Variants in TTI1 observed in about 807,000 individuals in gnomAD.
The protein encoded by TTI1 is TELO2-interacting protein 1 homolog.
In TTI1, 52 loss-of-function variants were observed where a neutral mutation model predicts 85.4. That is an observed-to-expected ratio of 0.61 (90% CI 0.49 to 0.77). TTI1 has a LOEUF of 0.77. Ranked by LOEUF, TTI1 falls within the 30% of genes least tolerant of loss-of-function variation. The probability of loss-of-function intolerance (pLI) is 0.00; values close to 1 mark genes in which losing one functional copy is unlikely to be tolerated. For synonymous variants in TTI1, 512 were observed against 503.9 expected (o/e 1.02, Z -0.22); for missense variants, 1,173 against 1,296.0 (o/e 0.91, Z 1.46).
At chr20:37,992,693 A>G (rs976921359) in intron 7 of TTI1, among the ~76,000 whole-genome samples, 1 of 152,218 alleles carries the variant, frequency 6.6e-6, no homozygotes, top group Non-Finnish European at 1.5e-5. Context: ...GGAGTCTCAG[A>G]GTCTGCTAAG....
At chr20:37,994,934 G>A (rs185827918) in intron 7 of TTI1, among the ~76,000 whole-genome samples, 106 of 152,360 alleles carry the variant, frequency 7.0e-4, no homozygotes, top group African/African-American at 2.5e-3. Context: ...AAACTTGAAG[G>A]ATGGGATGGA....
At position 38,012,458 on chromosome 20, in the gene TTI1, A is replaced by G. The variant is rs747369232; in HGVS notation, c.1359T>C (p.Ser453=). The G allele has an allele frequency of 5.0e-6, 8 of 1,614,118 alleles. No homozygotes were observed. The highest frequency in any genetic ancestry group is 6.8e-6 in the Non-Finnish European group (8 of 1,180,056). Residue 453 remains serine (S), a synonymous_variant, in exon 2 of 8, where the codon TCT becomes TCC. Coordinates refer to ENST00000373447, the MANE Select transcript of TTI1 (RefSeq NM_001303457.2). ...TCTTTGGAGAAGCATTCAGATCATC[A>G]GAGTTCCAACGCCGTTCCTCAACAA... The part of the protein sequence containing the change: ...IKIVEERRWN[S]DDLNASPKTS...
intron 1 of TTI1, among the ~76,000 whole-genome samples, chr20:38,026,965 A>G (rs2073844113): frequency 6.6e-6 from 1 of 152,250 alleles, no homozygotes; most frequent in Non-Finnish European, 1.5e-5. Context: ...AGTTATGTAC[A>G]CACAATGTAA....
intron 2 of TTI1, among the ~76,000 whole-genome samples, chr20:38,008,235 T>C (rs955636228): frequency 7.9e-5 from 12 of 152,210 alleles, no homozygotes; most frequent in Non-Finnish European, 1.3e-4. Context: ...CTCTCAAAAA[T>C]TTAAACGTAA....
intron 5 of TTI1, 100 bp downstream of exon 5, chr20:37,999,088 T>C: frequency 8.1e-7 from 1 of 1,232,364 alleles, no homozygotes; most frequent in Non-Finnish European, 1.0e-6. Flanking sequence ...GTATGTGACA[T>C]TGCAATCGGG....
At chr20:38,003,167 T>C (rs1283209185) in intron 3 of TTI1, among the ~76,000 whole-genome samples, 1 of 152,198 alleles carries the variant, frequency 6.6e-6, no homozygotes, top group African/African-American at 2.4e-5. Context: ...CTCACTATGT[T>C]GCCCAGGCTG....
intron 1 of TTI1, among the ~76,000 whole-genome samples, chr20:38,033,009 T>C (rs143186958): frequency 6.6e-6 from 1 of 152,242 alleles, no homozygotes; most frequent in African/African-American, 2.4e-5. Flanking sequence ...GAGAACCCAC[T>C]TAAGAGCCGA....
chr20:38,002,076 G>A (rs2073433919), intron 4 of TTI1, among the ~76,000 whole-genome samples: 1 of 152,110 alleles, frequency 6.6e-6, no homozygotes. Context: ...CCCTTTGGGT[G>A]TAAGGTCTTC....
At position 37,996,484 on chromosome 20, in the gene TTI1, C is replaced by T. The variant is rs778954246; in HGVS notation, c.2999-22G>A. On this transcript the variant is annotated intron_variant, in intron 6 of 7. Coordinates refer to ENST00000373447, the MANE Select transcript of TTI1 (RefSeq NM_001303457.2). ...TCACCTGCAGAAAAGAAAAACAAAA[C>T]AAGCATCAGCCCTTACACTTCATTT... 2.5e-6 allele frequency: 4 copies of T among 1,611,418 alleles called. No homozygotes were observed. The South Asian group carries it at 3.3e-5, about 13-fold the overall frequency.
chr20:38,007,938 C>T (rs2073526052), intron 2 of TTI1, among the ~76,000 whole-genome samples: 1 of 152,224 alleles, frequency 6.6e-6, no homozygotes, highest in African/African-American at 2.4e-5. Context: ...AGCATTTACA[C>T]TGCTAAGACT....
chr20:38,006,079 C>T, intron 3 of TTI1, 118 bp downstream of exon 3: 2 of 1,136,704 alleles, frequency 1.8e-6, no homozygotes. Flanking sequence ...CTATGTTAGC[C>T]TGGTAAGGTT....
chr20:38,017,453 G>A (rs923024394), intron 1 of TTI1, among the ~76,000 whole-genome samples: 1 of 149,674 alleles, frequency 6.7e-6, no homozygotes, highest in East Asian at 2.0e-4. Flanking sequence ...CGCCTTTGGT[G>A]TGTGCGCACG....
intron 7 of TTI1, among the ~76,000 whole-genome samples, chr20:37,991,520 G>T (rs1265525563): frequency 1.3e-5 from 2 of 152,226 alleles, no homozygotes; most frequent in African/African-American, 4.8e-5. Flanking sequence ...GCTAGAAAGA[G>T]AGCAGGGAAG....
intron 7 of TTI1, among the ~76,000 whole-genome samples, chr20:37,991,259 G>C (rs1044046878): frequency 1.3e-5 from 2 of 152,216 alleles, no homozygotes; most frequent in African/African-American, 4.8e-5. Flanking sequence ...ATCCAAGGGG[G>C]AACAGCTTTG....
chr20:38,019,300 G>T (rs1274559676), intron 1 of TTI1, among the ~76,000 whole-genome samples: 1 of 152,068 alleles, frequency 6.6e-6, no homozygotes, highest in Non-Finnish European at 1.5e-5. Flanking sequence ...TGAAGAAAAT[G>T]AAATAGGTAA....
At chr20:38,009,455 T>C (rs547376235) in intron 2 of TTI1, among the ~76,000 whole-genome samples, 5 of 152,100 alleles carry the variant, frequency 3.3e-5, no homozygotes, top group Non-Finnish European at 7.4e-5. Context: ...TTTTCCATTC[T>C]CCAAAGACCC....
chr20:38,010,207 G>T (rs2073562449), intron 2 of TTI1, among the ~76,000 whole-genome samples: 1 of 152,180 alleles, frequency 6.6e-6, no homozygotes, highest in Non-Finnish European at 1.5e-5. Flanking sequence ...ATTAGCTACA[G>T]GGCAGTGCAC....
At chr20:37,991,238 T>G (rs1245512990) in intron 7 of TTI1, among the ~76,000 whole-genome samples, 1 of 152,250 alleles carries the variant, frequency 6.6e-6, no homozygotes, top group East Asian at 1.9e-4. Context: ...CTCATTTCCA[T>G]GCTGGGTGCA....
intron 1 of TTI1, among the ~76,000 whole-genome samples, chr20:38,018,780 G>T (rs1012131796): frequency 1.3e-5 from 2 of 150,288 alleles, no homozygotes; most frequent in Non-Finnish European, 3.0e-5. Flanking sequence ...TCCCAACTTT[G>T]ATTTTTTTTT....
Sources: allele counts gnomAD v4.1 joint callset (sites outside exome capture counted in the v4.1 genomes callset), GRCh38; gene constraint gnomAD v4.1.1; transcripts MANE v1.5; gene names NCBI Gene and HGNC (gene_info 2026-07-23, HGNC 2026-07-21).